PPP3CB: variants seen among roughly 807,000 people sequenced by gnomAD.
PPP3CB encodes protein phosphatase 3 catalytic subunit beta, also known as serine/threonine-protein phosphatase 2B catalytic subunit beta isoform.
PPP3CB carries 8 observed loss-of-function variants against 66.4 expected under a neutral mutation model. The observed-to-expected ratio is 0.12, with a 90% CI of 0.07 to 0.22. PPP3CB has a LOEUF of 0.22. Ranked by LOEUF, PPP3CB falls within the 10% of genes least tolerant of loss-of-function variation. The pLI, the probability that PPP3CB is intolerant of heterozygous loss-of-function variation, is 1.00. For missense variants in PPP3CB, 319 were observed against 642.5 expected, an observed-to-expected ratio of 0.50 and a Z score of 5.44; for synonymous variants, 208 against 221.2, an observed-to-expected ratio of 0.94 and a Z score of 0.53.
At chr10:73,493,985 A>G (rs1424800662) in intron 1 of PPP3CB, among the ~76,000 whole-genome samples, 2 of 152,230 alleles carry the variant, frequency 1.3e-5, no homozygotes, top group African/African-American at 4.8e-5. Flanking sequence ...AGGATAGCAT[A>G]AACTCATTGT....
At chr10:73,461,755 C>T (rs75309334) in intron 9 of PPP3CB, among the ~76,000 whole-genome samples, 10,514 of 152,160 alleles carry the variant, frequency 0.069, 614 homozygotes, top group East Asian at 0.3. Context: ...ATCAGAAGGA[C>T]ATGATATTAT....
At chr10:73,493,684 T>C (rs762960560) in intron 1 of PPP3CB, among the ~76,000 whole-genome samples, 5 of 152,186 alleles carry the variant, frequency 3.3e-5, no homozygotes, top group Non-Finnish European at 5.9e-5. Context: ...ACAAATTCCA[T>C]AAAGAAATGA....
chr10:73,456,207 A>G (rs1409185863), intron 9 of PPP3CB, among the ~76,000 whole-genome samples: 2 of 152,240 alleles, frequency 1.3e-5, no homozygotes, highest in Admixed American at 6.5e-5. Flanking sequence ...CATGTCAAGT[A>G]CTACATTAAA....
intron 9 of PPP3CB, among the ~76,000 whole-genome samples, chr10:73,456,499 A>G (rs530694350): frequency 5.9e-5 from 9 of 152,340 alleles, no homozygotes; most frequent in African/African-American, 1.9e-4. Context: ...ATTTATCACA[A>G]CAGAACAGAG....
At chr10:73,467,483 G>A in intron 9 of PPP3CB, 70 bp downstream of exon 9, 1 of 1,251,022 alleles carries the variant, frequency 8.0e-7, no homozygotes, top group Non-Finnish European at 1.1e-6. Flanking sequence ...GCAAGTATGT[G>A]CCTATGATAG....
rs748980885 is a variant in PPP3CB at position 73,444,685 on chromosome 10, C to T, written c.1366+40G>A. ...GTTAGCAAAAGAGTGAGGTGTGCCCCAGTCCATCTGAGGCACAGCAAGTTG... is the reference window on the plus strand; with the variant it reads ...GTTAGCAAAAGAGTGAGGTGTGCCCTAGTCCATCTGAGGCACAGCAAGTTG... On this transcript the variant is annotated intron_variant, in intron 12 of 13. Coordinates refer to ENST00000360663, the MANE Select transcript of PPP3CB (RefSeq NM_021132.4). 2.2e-5 allele frequency: 36 copies of T among 1,613,284 alleles called. No individual in the cohort carries two copies. In the Middle Eastern group the frequency reaches 4.5e-3, roughly 200 times the overall value.
intron 9 of PPP3CB, among the ~76,000 whole-genome samples, chr10:73,464,651 GT>G (rs1362282024): frequency 2.6e-5 from 4 of 152,112 alleles, no homozygotes; most frequent in Admixed American, 6.5e-5. Context: ...ATTAATAAAC[GT>G]TTTTGGCAGT....
At chr10:73,481,645 A>C (rs949002496) in intron 1 of PPP3CB, among the ~76,000 whole-genome samples, 3 of 151,824 alleles carry the variant, frequency 2.0e-5, no homozygotes, top group Non-Finnish European at 4.4e-5. Flanking sequence ...CAAAAAAAAA[A>C]ACTAGGTTAG....
intron 5 of PPP3CB, 55 bp downstream of exon 5, chr10:73,471,413 A>C: frequency 6.6e-7 from 1 of 1,522,468 alleles, no homozygotes; most frequent in South Asian, 1.3e-5. Flanking sequence ...CTTCTGCTCT[A>C]CTCAACAATG....
intron 1 of PPP3CB, among the ~76,000 whole-genome samples, chr10:73,483,202 G>A (rs1409955683): frequency 1.3e-5 from 2 of 152,122 alleles, no homozygotes; most frequent in Admixed American, 6.5e-5. Flanking sequence ...TTCAACTCAA[G>A]GCACACTTCT....
chr10:73,491,865 G>A (rs147557628), intron 1 of PPP3CB, among the ~76,000 whole-genome samples: 7,078 of 152,196 alleles, frequency 0.047, 505 homozygotes, highest in African/African-American at 0.15. Flanking sequence ...TACTTGGGAG[G>A]TTGAGGCAGG....
chr10:73,481,592 C>T (rs1226377844), intron 1 of PPP3CB, among the ~76,000 whole-genome samples: 7 of 147,976 alleles, frequency 4.7e-5, no homozygotes, highest in Non-Finnish European at 7.4e-5. Flanking sequence ...TGTACAGAAC[C>T]AACTGCTCCT....
In PPP3CB at chr10:73,479,446, C is replaced by T; in HGVS notation, c.157G>A (p.Asp53Asn). The change falls in exon 2 of 14, where the codon GAT (aspartate) becomes AAT (asparagine). Residue 53 changes from aspartate to asparagine, a missense_variant. Coordinates refer to ENST00000360663, the MANE Select transcript of PPP3CB (RefSeq NM_021132.4). ...VFDLDGIPRV[D>N]VLKNHLVKEG... ...TTCACCAAGTGGTTCTTCAGAACAT[C>T]AACCCTGGGTATCCCATCCAAATCA... 6.2e-7 allele frequency: 1 copy of T among 1,614,136 alleles called. No individual in the cohort carries two copies. Among genetic ancestry groups the T allele is most frequent in the Non-Finnish European group, 8.5e-7 (1 of 1,180,004 alleles).
chr10:73,474,059 T>C (rs1428391549), intron 4 of PPP3CB, among the ~76,000 whole-genome samples: 3 of 152,144 alleles, frequency 2.0e-5, no homozygotes, highest in Non-Finnish European at 4.4e-5. Context: ...TTTTTTTTCC[T>C]GAGACAGAGT....
intron 1 of PPP3CB, among the ~76,000 whole-genome samples, chr10:73,480,628 A>G (rs1275059106): frequency 6.6e-6 from 1 of 151,998 alleles, no homozygotes; most frequent in Non-Finnish European, 1.5e-5. Flanking sequence ...TATTTTTAGT[A>G]GAGACCGGGT....
intron 3 of PPP3CB, among the ~76,000 whole-genome samples, chr10:73,478,051 G>C (rs1016144009): frequency 6.6e-6 from 1 of 152,166 alleles, no homozygotes; most frequent in African/African-American, 2.4e-5. Flanking sequence ...AGATTCCATA[G>C]GATATACTTG....
chr10:73,474,106 G>T (rs942758470), intron 4 of PPP3CB, among the ~76,000 whole-genome samples: 1 of 151,986 alleles, frequency 6.6e-6, no homozygotes, highest in Admixed American at 6.6e-5. Context: ...ACAATGGCGC[G>T]ATCTCGGCTC....
At chr10:73,460,765 CACTGCTCCCCACAGCCAGGG>C (rs1390753731) in intron 9 of PPP3CB, among the ~76,000 whole-genome samples, 1 of 152,244 alleles carries the variant, frequency 6.6e-6, no homozygotes, top group African/African-American at 2.4e-5. Flanking sequence ...AGCCTCAGGA[CACTGCTCCCCACAGCCAGGG>C]ACTGCTCCAG....
chr10:73,461,454 GAAAA>G (rs893907702), intron 9 of PPP3CB, among the ~76,000 whole-genome samples: 1 of 143,672 alleles, frequency 7.0e-6, no homozygotes, highest in Non-Finnish European at 1.5e-5. Flanking sequence ...GTCTCAAAAA[GAAAA>G]AAAAAAAATT....
Sources: allele counts gnomAD v4.1 joint callset (sites outside exome capture counted in the v4.1 genomes callset), GRCh38; gene constraint gnomAD v4.1.1; transcripts MANE v1.5; gene names NCBI Gene and HGNC (gene_info 2026-07-23, HGNC 2026-07-21).